Variants in PDZRN4 observed in about 807,000 individuals in gnomAD.
PDZRN4 encodes PDZ domain-containing RING finger protein 4.
In PDZRN4, 70 loss-of-function variants were observed where a neutral mutation model predicts 99.0. The observed-to-expected ratio is 0.71, with a 90% confidence interval of 0.58 to 0.86. The LOEUF (loss-of-function observed/expected upper bound fraction) is 0.86. Among genes scored for constraint, PDZRN4 ranks in the 40% least tolerant of loss-of-function variants. The pLI is 0.00. For synonymous variants in PDZRN4, 551 were observed against 501.6 expected, an observed-to-expected ratio of 1.10 and a Z score of -1.32; for missense variants, 1,474 against 1,331.2, an observed-to-expected ratio of 1.11 and a Z score of -1.67.
intron 5 of PDZRN4, among the ~76,000 whole-genome samples, chr12:41,549,962 T>C (rs188545053): frequency 1.1e-3 from 168 of 152,294 alleles, no homozygotes; most frequent in African/African-American, 3.8e-3. Flanking sequence ...TTCACAGTTT[T>C]GGTTTGGTCC....
At chr12:41,257,476 C>G (rs1951211171) in intron 3 of PDZRN4, among the ~76,000 whole-genome samples, 1 of 152,102 alleles carries the variant, frequency 6.6e-6, no homozygotes, top group African/African-American at 2.4e-5. Context: ...TAGAACATAG[C>G]AATGGTGAGT....
At chr12:41,320,662 T>C (rs919008929) in intron 3 of PDZRN4, among the ~76,000 whole-genome samples, 3 of 151,954 alleles carry the variant, frequency 2.0e-5, no homozygotes, top group Non-Finnish European at 2.9e-5. Context: ...ATGTCAACAG[T>C]GAAATAGTTG....
intron 3 of PDZRN4, among the ~76,000 whole-genome samples, chr12:41,325,414 C>G (rs549035932): frequency 6.6e-6 from 1 of 152,278 alleles, no homozygotes; most frequent in Admixed American, 6.5e-5. Flanking sequence ...TTATTGTCCT[C>G]TTTAACTGGA....
chr12:41,388,191 G>A (rs1952185258), intron 3 of PDZRN4, among the ~76,000 whole-genome samples: 1 of 152,072 alleles, frequency 6.6e-6, no homozygotes, highest in Non-Finnish European at 1.5e-5. Flanking sequence ...AATACCACAT[G>A]TAATGATGAG....
In PDZRN4 at chr12:41,438,009, C is replaced by T. The variant is rs1374169591; in HGVS notation, c.844-68447C>T. ...CACTACAAACTGCTGTATGAAGTTT[C>T]CCAGGTGAGTGCAGGGTCTGATACC... On this transcript the variant is annotated intron_variant, in intron 3 of 9. Transcript: ENST00000402685. 5 of 1,613,926 alleles carry T rather than the reference C, an allele frequency of 3.1e-6. No homozygotes were observed. The South Asian group carries it at 5.5e-5, about 18-fold the overall frequency.
chr12:41,303,810 G>A (rs1366143451), intron 3 of PDZRN4, among the ~76,000 whole-genome samples: 7 of 152,162 alleles, frequency 4.6e-5, no homozygotes, highest in Non-Finnish European at 1.0e-4. Context: ...TATGCTCAGA[G>A]TTCTGGATAC....
At chr12:41,249,016 C>T (rs748406958) in intron 3 of PDZRN4, among the ~76,000 whole-genome samples, 223 of 151,904 alleles carry the variant, frequency 1.5e-3, no homozygotes, top group Non-Finnish European at 2.6e-3. Context: ...TTATGATTTC[C>T]CAGTATTTAT....
intron 3 of PDZRN4, among the ~76,000 whole-genome samples, chr12:41,296,934 G>T (rs890976288): frequency 1.3e-5 from 2 of 152,172 alleles, no homozygotes; most frequent in Non-Finnish European, 1.5e-5. Context: ...CTCCAGCCTG[G>T]GCAAGAGAGC....
At chr12:41,494,593 T>C (rs1196423669) in intron 3 of PDZRN4, among the ~76,000 whole-genome samples, 4 of 152,168 alleles carry the variant, frequency 2.6e-5, no homozygotes, top group Non-Finnish European at 5.9e-5. Context: ...CTTTATTTTT[T>C]TTTTGCCTTA....
At chr12:41,193,235 A>G (rs1950746942) in intron 2 of PDZRN4, among the ~76,000 whole-genome samples, 1 of 152,204 alleles carries the variant, frequency 6.6e-6, no homozygotes, top group South Asian at 2.1e-4. Flanking sequence ...CTATTTTGGT[A>G]TTTGACATTT....
intron 3 of PDZRN4, among the ~76,000 whole-genome samples, chr12:41,371,246 T>G (rs1952039085): frequency 6.6e-6 from 1 of 151,478 alleles, no homozygotes; most frequent in South Asian, 2.1e-4. Flanking sequence ...ATTTTTGGTT[T>G]GAGATTCTAT....
intron 3 of PDZRN4, among the ~76,000 whole-genome samples, chr12:41,332,094 A>G (rs760150642): frequency 6.6e-6 from 1 of 152,160 alleles, no homozygotes; most frequent in Non-Finnish European, 1.5e-5. Flanking sequence ...GTTAGTATTG[A>G]GACCCCATTT....
chr12:41,554,242 A>C (rs187117080), intron 6 of PDZRN4, among the ~76,000 whole-genome samples: 1 of 152,330 alleles, frequency 6.6e-6, no homozygotes, highest in East Asian at 1.9e-4. Flanking sequence ...TTACAGTTCT[A>C]AAGATGAGGC....
intron 3 of PDZRN4, among the ~76,000 whole-genome samples, chr12:41,238,513 A>G (rs987072054): frequency 6.6e-6 from 1 of 152,172 alleles, no homozygotes; most frequent in African/African-American, 2.4e-5. Context: ...CAAGGAACTT[A>G]AACAAATTTA....
chr12:41,481,230 C>T (rs1937668471), intron 3 of PDZRN4, among the ~76,000 whole-genome samples: 1 of 152,034 alleles, frequency 6.6e-6, no homozygotes, highest in South Asian at 2.1e-4. Context: ...ATAACAGGAG[C>T]AGCTCATAGT....
chr12:41,446,838 G>A (rs1028293794), intron 3 of PDZRN4, among the ~76,000 whole-genome samples: 2 of 142,668 alleles, frequency 1.4e-5, no homozygotes, highest in African/African-American at 5.4e-5. Context: ...CCTAGTTTAG[G>A]AACCAAGGGC....
chr12:41,358,200 C>CA (rs1555134599), intron 3 of PDZRN4, among the ~76,000 whole-genome samples: 1 of 151,880 alleles, frequency 6.6e-6, no homozygotes, highest in Non-Finnish European at 1.5e-5. Context: ...GGGAGGTTGA[C>CA]AAAAAGCACA....
Position 41,571,335 on chromosome 12 carries a change from G to GTCTCTCTCTCTCTCTCTC in PDZRN4, c.1585-1004_1585-987dup, listed in dbSNP as rs752003607. On this transcript the variant is annotated intron_variant, in intron 9 of 9. Coordinates refer to ENST00000402685, the MANE Select transcript of PDZRN4 (RefSeq NM_001164595.2). ...TACATGAAAGCCAAAAATTACCAGA[G>GTCTCTCTCTCTCTCTCTC]TCTCTCTCTCTCTCTCTCTCTCTCT... Among the ~76,000 whole-genome samples the GTCTCTCTCTCTCTCTCTC allele has an allele frequency of 4.3e-4, 44 of 101,246 alleles. 1 individual carries two copies. Among genetic ancestry groups the GTCTCTCTCTCTCTCTCTC allele is most frequent in the South Asian group, 2.2e-3 (4 of 1,838 alleles). 66.4% of individuals were successfully genotyped at this position (101,246 alleles called of 152,430 possible).
chr12:41,401,062 G>A (rs1433977185), intron 3 of PDZRN4, among the ~76,000 whole-genome samples: 1 of 152,114 alleles, frequency 6.6e-6, no homozygotes, highest in Non-Finnish European at 1.5e-5. Context: ...TCAAAGAGGT[G>A]ACTAATCATA....
Sources: gnomAD v4.1 joint callset for allele counts (sites outside exome capture counted in the v4.1 genomes callset) on GRCh38, gnomAD v4.1.1 for gene constraint, MANE v1.5 for transcripts, NCBI Gene and HGNC (gene_info 2026-07-23, HGNC 2026-07-21) for gene names.